Variants in SYT16 observed in about 807,000 individuals in gnomAD.
SYT16 encodes the protein synaptotagmin 16, also known as synaptotagmin-16.
SYT16 carries 42 observed loss-of-function variants against 61.4 expected under a neutral mutation model. The observed-to-expected ratio is 0.68, with a 90% CI of 0.53 to 0.89. SYT16 has a LOEUF of 0.89. Ranked by LOEUF, SYT16 falls within the 40% of genes least tolerant of loss-of-function variation. The pLI, the probability that SYT16 is intolerant of heterozygous loss-of-function variation, is 0.00. For missense variants in SYT16, 804 were observed against 807.3 expected (o/e 1.00, Z 0.05); for synonymous variants, 314 against 302.3 (o/e 1.04, Z -0.40).
At chr14:61,914,607 G>A (rs1267501488) in intron 1 of SYT16, among the ~76,000 whole-genome samples, 2 of 128,276 alleles carry the variant, frequency 1.6e-5, no homozygotes, top group Non-Finnish European at 3.6e-5. Context: ...TGTTGGCTGA[G>A]GCCAAAAACC....
chr14:61,828,401 A>C (rs1360987023), intron 1 of SYT16, among the ~76,000 whole-genome samples: 1 of 152,218 alleles, frequency 6.6e-6, no homozygotes, highest in Non-Finnish European at 1.5e-5. Context: ...ATTTCTCTTA[A>C]TAATATTTCC....
intron 3 of SYT16, among the ~76,000 whole-genome samples, chr14:62,000,200 T>C (rs1027114835): frequency 6.8e-6 from 1 of 147,944 alleles, no homozygotes; most frequent in Non-Finnish European, 1.5e-5. Context: ...GATTTGGCTA[T>C]TTCTCTTTTT....
At chr14:61,831,451 G>T (rs1454211807) in intron 1 of SYT16, among the ~76,000 whole-genome samples, 2 of 151,986 alleles carry the variant, frequency 1.3e-5, no homozygotes, top group African/African-American at 4.8e-5. Flanking sequence ...TAACCATTAT[G>T]GGTATAGGTG....
chr14:61,872,513 G>A (rs2047362180), intron 1 of SYT16, among the ~76,000 whole-genome samples: 1 of 152,184 alleles, frequency 6.6e-6, no homozygotes, highest in African/African-American at 2.4e-5. Context: ...TTTGAAACAT[G>A]TTTGAGATCT....
At chr14:61,916,416 A>T (rs1390893634) in intron 1 of SYT16, among the ~76,000 whole-genome samples, 1 of 152,088 alleles carries the variant, frequency 6.6e-6, no homozygotes, top group African/African-American at 2.4e-5. Context: ...AGCTTATATT[A>T]GATTCTGGGA....
At position 61,831,664 on chromosome 14, in the gene SYT16, T is replaced by G. The variant is rs180808067; in HGVS notation, c.-325+18854T>G. ...ATATTCATATTCTTTATTTCTCCTT[T>G]TTCCCTTCTCCACACCTTGTCTCTG... On this transcript the variant is annotated intron_variant, in intron 1 of 7. Transcript: ENST00000683842. Among the ~76,000 whole-genome samples the G allele has an allele frequency of 2.1e-3, 314 of 152,340 alleles. 1 individual carries two copies. Among genetic ancestry groups the G allele is most frequent in the African/African-American group, 7.3e-3 (303 of 41,560 alleles).
At chr14:61,861,908 A>G (rs1161514367) in intron 1 of SYT16, among the ~76,000 whole-genome samples, 1 of 152,210 alleles carries the variant, frequency 6.6e-6, no homozygotes, top group Non-Finnish European at 1.5e-5. Context: ...ACCTTAATGA[A>G]ATATACTTTA....
chr14:62,112,105 T>C lies in SYT16; in HGVS notation c.*11398T>C, dbSNP rs1208944937. 1 of 152,158 alleles carries C rather than the reference T, an allele frequency of 6.6e-6. No homozygotes were observed. The highest frequency in any genetic ancestry group is 1.9e-4 in the East Asian group (1 of 5,202). 9.4% of individuals were successfully genotyped at this position (152,158 alleles called of 1,614,324 possible). On this transcript the variant is annotated 3_prime_UTR_variant, in exon 8 of 8. Transcript: ENST00000683842. ...TTTCATAATGATGGTTTTAATGTAT[T>C]ACTATCTTACTATTATGTATTGTGT...
chr14:61,862,968 C>G (rs2140291059), intron 1 of SYT16, among the ~76,000 whole-genome samples: 1 of 152,310 alleles, frequency 6.6e-6, no homozygotes, highest in Admixed American at 6.5e-5. Flanking sequence ...CTTTTTAGCA[C>G]CGAATAATGT....
intron 1 of SYT16, among the ~76,000 whole-genome samples, chr14:61,912,304 A>T (rs989646071): frequency 3.9e-5 from 6 of 152,194 alleles, no homozygotes; most frequent in African/African-American, 1.4e-4. Flanking sequence ...ATAGGATAGG[A>T]TTACTAAATT....
chr14:62,062,297 G>A (rs2055859748), intron 3 of SYT16, among the ~76,000 whole-genome samples: 1 of 150,952 alleles, frequency 6.6e-6, no homozygotes, highest in Admixed American at 6.6e-5. Context: ...TTCTCTATTT[G>A]AGGGGGGGAT....
At position 61,952,755 on chromosome 14, in the gene SYT16, G is replaced by C. The variant is rs190682901; in HGVS notation, c.-324-17377G>C. On this transcript the variant is annotated intron_variant, in intron 1 of 7. Coordinates refer to ENST00000683842, the MANE Select transcript of SYT16 (RefSeq NM_001367656.1). ...TTGGAACATGTTAAAATCTCACTTA[G>C]GTTTCATTAAGCCACTTTTTTTCCT... Among the ~76,000 whole-genome samples the C allele has an allele frequency of 2.4e-3, 369 of 152,182 alleles. 1 individual carries two copies. The highest frequency in any genetic ancestry group is 4.4e-3 in the Non-Finnish European group (296 of 68,004).
chr14:62,033,833 T>A (rs1189905996), intron 3 of SYT16, among the ~76,000 whole-genome samples: 2 of 151,934 alleles, frequency 1.3e-5, no homozygotes, highest in African/African-American at 2.4e-5. Flanking sequence ...AAAGCACAAG[T>A]GACAAAACAA....
chr14:62,070,702 C>A (rs1225553579), intron 4 of SYT16, among the ~76,000 whole-genome samples: 1 of 152,128 alleles, frequency 6.6e-6, no homozygotes, highest in Non-Finnish European at 1.5e-5. Context: ...GCCATTGTAA[C>A]AGGGAAGGGT....
intron 4 of SYT16, among the ~76,000 whole-genome samples, chr14:62,074,392 C>T (rs902944086): frequency 6.6e-6 from 1 of 152,004 alleles, no homozygotes; most frequent in Non-Finnish European, 1.5e-5. Flanking sequence ...ACCAGTGAGA[C>T]CAGAGGAATG....
At chr14:61,995,192 A>C (rs11622644) in intron 2 of SYT16, among the ~76,000 whole-genome samples, 7,548 of 152,084 alleles carry the variant, frequency 0.05, 218 homozygotes, top group African/African-American at 0.073. Flanking sequence ...CAGGCTGTAA[A>C]TCTTGTGGGA....
At chr14:61,936,620 T>C (rs2049992753) in intron 1 of SYT16, among the ~76,000 whole-genome samples, 2 of 152,178 alleles carry the variant, frequency 1.3e-5, no homozygotes, top group Admixed American at 1.3e-4. Context: ...CTGCACCTCC[T>C]CTATCACTTT....
chr14:62,066,426 G>A (rs1362212870), intron 3 of SYT16, among the ~76,000 whole-genome samples: 3 of 152,244 alleles, frequency 2.0e-5, no homozygotes, highest in Admixed American at 6.5e-5. Context: ...TTTGTGTGTC[G>A]GGCACTTATG....
chr14:61,997,666 G>T (rs2052823091), intron 3 of SYT16, among the ~76,000 whole-genome samples: 1 of 152,008 alleles, frequency 6.6e-6, no homozygotes. Flanking sequence ...GTAGCTAATT[G>T]CAATTTTGAG....
Sources: allele counts gnomAD v4.1 joint callset (sites outside exome capture counted in the v4.1 genomes callset), GRCh38; gene constraint gnomAD v4.1.1; transcripts MANE v1.5; gene names NCBI Gene and HGNC (gene_info 2026-07-23, HGNC 2026-07-21).